HAT1: variants seen among roughly 807,000 people sequenced by gnomAD.
The protein encoded by HAT1 is histone acetyltransferase type B catalytic subunit.
HAT1 carries 20 observed loss-of-function variants against 56.6 expected under a neutral mutation model. That is an observed-to-expected ratio of 0.35 (90% CI 0.25 to 0.51). HAT1 has a LOEUF of 0.51. Among genes scored for constraint, HAT1 ranks in the 20% least tolerant of loss-of-function variants. The probability of loss-of-function intolerance (pLI) is 0.95; values close to 1 mark genes in which losing one functional copy is unlikely to be tolerated. For missense variants in HAT1, 408 were observed against 504.3 expected, an observed-to-expected ratio of 0.81 and a Z score of 1.83; for synonymous variants, 146 against 165.5, an observed-to-expected ratio of 0.88 and a Z score of 0.91.
chr2:171,956,305 A>AAAACCC (rs1285910718), intron 4 of HAT1, among the ~76,000 whole-genome samples: 1 of 149,774 alleles, frequency 6.7e-6, no homozygotes, highest in Non-Finnish European at 1.5e-5. Context: ...CAGTATGGCG[A>AAAACCC]AAACCCATCT....
intron 3 of HAT1, among the ~76,000 whole-genome samples, chr2:171,947,662 T>A (rs1414765293): frequency 6.6e-6 from 1 of 152,218 alleles, no homozygotes; most frequent in Non-Finnish European, 1.5e-5. Context: ...GCAGATTGCC[T>A]GAGGTCAGGA....
At chr2:171,946,022 G>A (rs966566113) in intron 2 of HAT1, among the ~76,000 whole-genome samples, 3 of 151,950 alleles carry the variant, frequency 2.0e-5, no homozygotes, top group Admixed American at 2.0e-4. Flanking sequence ...CAGGCTGGGC[G>A]TGAACTCCTG....
At chr2:171,980,245 T>C (rs1159901464) in intron 10 of HAT1, 1 of 152,178 alleles carries the variant, frequency 6.6e-6, no homozygotes, top group Non-Finnish European at 1.5e-5. Context: ...TTCCCAAGTT[T>C]CTTGTCTTCT....
chr2:171,947,461 G>T (rs575674685), intron 3 of HAT1, among the ~76,000 whole-genome samples: 17 of 152,002 alleles, frequency 1.1e-4, no homozygotes, highest in Non-Finnish European at 2.5e-4. Flanking sequence ...TCCCTATGTT[G>T]CCCAGGCTGG....
intron 2 of HAT1, among the ~76,000 whole-genome samples, chr2:171,934,635 T>G (rs1358982741): frequency 6.6e-6 from 1 of 152,112 alleles, no homozygotes; most frequent in Admixed American, 6.5e-5. Flanking sequence ...GTTACCATTG[T>G]CAGGTAGCAC....
chr2:171,932,665 C>A (rs1686775966), intron 2 of HAT1, among the ~76,000 whole-genome samples: 1 of 152,052 alleles, frequency 6.6e-6, no homozygotes. Flanking sequence ...CCCAAGAGTT[C>A]AAGGCCAGCC....
intron 9 of HAT1, among the ~76,000 whole-genome samples, chr2:171,977,275 A>C (rs2105346188): frequency 6.6e-6 from 1 of 151,600 alleles, no homozygotes; most frequent in African/African-American, 2.4e-5. Flanking sequence ...CAGCCTGTCC[A>C]ATATGGTGAA....
chr2:171,933,243 G>A (rs1014791467), intron 2 of HAT1, among the ~76,000 whole-genome samples: 1 of 152,014 alleles, frequency 6.6e-6, no homozygotes, highest in African/African-American at 2.4e-5. Flanking sequence ...TTTTTTTGTA[G>A]AGATGGAGTC....
chr2:171,938,067 TC>T (rs1686921845), intron 2 of HAT1, among the ~76,000 whole-genome samples: 1 of 143,516 alleles, frequency 7.0e-6, no homozygotes, highest in African/African-American at 2.6e-5. Context: ...TCTCTCTCTC[TC>T]TCTCTCTTTA....
At chr2:171,957,237 G>A (rs1287301144) in intron 4 of HAT1, among the ~76,000 whole-genome samples, 1 of 152,194 alleles carries the variant, frequency 6.6e-6, no homozygotes, top group African/African-American at 2.4e-5. Context: ...GAAAGTGGAA[G>A]AATGACTCTG....
chr2:171,953,992 C>G (rs79610686), intron 4 of HAT1, among the ~76,000 whole-genome samples: 94 of 150,900 alleles, frequency 6.2e-4, no homozygotes, highest in Middle Eastern at 3.4e-3. Context: ...GAAACTGTCT[C>G]AAAAAAAAAT....
intron 8 of HAT1, among the ~76,000 whole-genome samples, chr2:171,972,064 C>T (rs1248089746): frequency 6.6e-6 from 1 of 152,198 alleles, no homozygotes; most frequent in Admixed American, 6.5e-5. Flanking sequence ...CCACCCCCTA[C>T]TGTGTAATGT....
chr2:171,939,561 A>G (rs902784463), intron 2 of HAT1, among the ~76,000 whole-genome samples: 19 of 152,222 alleles, frequency 1.2e-4, no homozygotes, highest in Non-Finnish European at 1.3e-4. Context: ...CCAGTGATCT[A>G]CTTTTAGAAA....
At position 171,922,479 on chromosome 2, in the gene HAT1, C is replaced by T. The variant is rs566236734; in HGVS notation, c.-22C>T. ...GCGGGTTGATTCGTCCTTCCTCAGC[C>T]GCGGGTGATCGTAGCTCGGAAATGG... is the stretch of plus-strand genomic sequence containing the variant. On this transcript the variant is annotated 5_prime_UTR_variant, in exon 1 of 11. Transcript: ENST00000264108. 2.3e-6 allele frequency: 3 copies of T among 1,318,574 alleles called. No homozygotes were observed. Among genetic ancestry groups the T allele is most frequent in the African/African-American group, 1.5e-5 (1 of 66,552 alleles). 81.7% of individuals were successfully genotyped at this position (1,318,574 alleles called of 1,614,324 possible).
chr2:171,926,484 G>A (rs1013569619), intron 2 of HAT1, among the ~76,000 whole-genome samples: 29 of 151,632 alleles, frequency 1.9e-4, no homozygotes, highest in African/African-American at 6.3e-4. Flanking sequence ...TAGTAGAGAC[G>A]GTTTCTCCAT....
At chr2:171,982,410 CCTAAAT>C (rs1251888154) in intron 10 of HAT1, among the ~76,000 whole-genome samples, 1 of 152,166 alleles carries the variant, frequency 6.6e-6, no homozygotes, top group Non-Finnish European at 1.5e-5. Context: ...TATTTTCTCC[CCTAAAT>C]CTGCCCTGTC....
intron 5 of HAT1, 103 bp downstream of exon 5, chr2:171,965,620 T>C: frequency 1.0e-6 from 1 of 977,648 alleles, no homozygotes; most frequent in Non-Finnish European, 1.6e-6. Context: ...AAACAAGTTT[T>C]AATCAGCATT....
intron 8 of HAT1, among the ~76,000 whole-genome samples, chr2:171,968,987 T>G (rs1297299428): frequency 1.3e-5 from 2 of 152,222 alleles, no homozygotes; most frequent in African/African-American, 4.8e-5. Context: ...TTACTTCCAA[T>G]GGATGGGTGT....
intron 3 of HAT1, among the ~76,000 whole-genome samples, chr2:171,947,758 A>G (rs1317151778): frequency 6.6e-6 from 1 of 152,180 alleles, no homozygotes; most frequent in African/African-American, 2.4e-5. Flanking sequence ...ACACGCCTGT[A>G]GTCCTGGCTA....
Sources: gnomAD v4.1 joint callset for allele counts (sites outside exome capture counted in the v4.1 genomes callset) on GRCh38, gnomAD v4.1.1 for gene constraint, MANE v1.5 for transcripts, NCBI Gene and HGNC (gene_info 2026-07-23, HGNC 2026-07-21) for gene names.